KIF27: variants seen among roughly 807,000 people sequenced by gnomAD.
KIF27 encodes the protein kinesin-like protein KIF27.
A neutral mutation model predicts 141.8 loss-of-function variants in KIF27; 84 were observed. The ratio of observed to expected loss-of-function variants is 0.59; its 90% CI spans 0.50 to 0.71. KIF27 has a LOEUF of 0.71. KIF27 is among the 30% of genes least tolerant of loss of function. The pLI is 0.00. For synonymous variants in KIF27, 471 were observed against 569.5 expected (o/e 0.83, Z 2.46); for missense variants, 1,306 against 1,628.4 (o/e 0.80, Z 3.41).
intron 5 of KIF27, among the ~76,000 whole-genome samples, chr9:83,896,252 C>CA (rs1159857796): frequency 1.3e-4 from 20 of 151,470 alleles, no homozygotes; most frequent in Non-Finnish European, 1.9e-4. Context: ...TCAAAAACAA[C>CA]AAAAAAAAGA....
chr9:83,876,124 T>C (rs1951188745), intron 11 of KIF27, among the ~76,000 whole-genome samples: 1 of 152,130 alleles, frequency 6.6e-6, no homozygotes, highest in African/African-American at 2.4e-5. Context: ...ATTACCATTA[T>C]TATGAATATC....
intron 2 of KIF27, among the ~76,000 whole-genome samples, chr9:83,913,832 AAGTG>A (rs1255268939): frequency 2.0e-5 from 3 of 152,214 alleles, no homozygotes; most frequent in African/African-American, 4.8e-5. Flanking sequence ...AAAACCACAC[AAGTG>A]AGTAATATGC....
chr9:83,876,134 C>T (rs1951189267), intron 11 of KIF27, among the ~76,000 whole-genome samples: 1 of 151,930 alleles, frequency 6.6e-6, no homozygotes, highest in African/African-American at 2.4e-5. Context: ...TTATGAATAT[C>T]ATTATTATTA....
intron 13 of KIF27, among the ~76,000 whole-genome samples, chr9:83,860,477 C>T (rs1235385731): frequency 2.6e-5 from 4 of 152,216 alleles, no homozygotes; most frequent in Middle Eastern, 3.4e-3. Context: ...AGTTACATTA[C>T]AGTTTTTAGT....
At position 83,915,346 on chromosome 9, in the gene KIF27, G is replaced by A; in HGVS notation, c.246C>T (p.Ala82=). Residue 82 remains alanine (A), a synonymous_variant, in exon 2 of 18, where the codon GCC becomes GCT. Coordinates refer to ENST00000297814, the MANE Select transcript of KIF27 (RefSeq NM_017576.4). ...LIEGYNATVF[A]YGQTGSGKTY... ...TCTTCCCAGATCCAGTTTGTCCATA[G>A]GCAAAAACAGTTGCATTATAGCCCT... 1 of 1,613,722 alleles carries A rather than the reference G, an allele frequency of 6.2e-7. No individual in the cohort carries two copies. Among genetic ancestry groups the A allele is most frequent in the Non-Finnish European group, 8.5e-7 (1 of 1,179,746 alleles).
rs1297844285 is a variant in KIF27, at chr9:83,836,607, TTG to T, written c.*392_*393del. On this transcript the variant is annotated 3_prime_UTR_variant, in exon 18 of 18. Transcript: ENST00000297814. The stretch of plus-strand genomic sequence containing the variant: ...TGGATCTTTTAAAAAAAAAATATAC[TTG>T]TATTTGAGAATAACAATAATATAGT... 1 of 156,676 alleles carries T rather than the reference TTG, an allele frequency of 6.4e-6. No individual in the cohort carries two copies. Among genetic ancestry groups the T allele is most frequent in the Non-Finnish European group, 1.4e-5 (1 of 71,254 alleles). The allele number at this position is 156,676 out of a possible 1,614,324, so 9.7% of individuals were successfully genotyped here. A position where few individuals can be genotyped will look rare whatever the true frequency, so the allele number is the denominator to read the frequency against.
At chr9:83,917,820 C>T (rs909120833) in intron 1 of KIF27, among the ~76,000 whole-genome samples, 1 of 152,120 alleles carries the variant, frequency 6.6e-6, no homozygotes, top group Admixed American at 6.5e-5. Flanking sequence ...TAGACCTAAA[C>T]ATAAGAAGTA....
intron 1 of KIF27, among the ~76,000 whole-genome samples, chr9:83,920,856 TCTACGGTGGGAAATGCGCCCAAGTTTC>T (rs1170895093): frequency 9.8e-6 from 1 of 102,530 alleles, no homozygotes; most frequent in Non-Finnish European, 2.2e-5. Flanking sequence ...AGTTTCAACC[TCTACGGTGGGAAATGCGCCCAAGTTTC>T]AACCTCTACG....
rs1951867633 is a variant in KIF27, at chr9:83,883,830, C to T, written c.2428G>A (p.Ala810Thr). 6 of 1,610,264 alleles carry T rather than the reference C, an allele frequency of 3.7e-6. No individual in the cohort carries two copies. The highest frequency in any genetic ancestry group is 1.1e-5 in the South Asian group (1 of 91,012). Residue 810 changes from alanine to threonine, a missense_variant, in exon 10 of 18, where the codon GCA becomes ACA. By Grantham distance (58) the Ala-to-Thr change is moderately conservative. This residue lies in a region of KIF27 where 596 missense variants were observed against 751.6 expected (regional missense o/e 0.79). Transcript: ENST00000297814. ...QKEFRKKMDA[A>T]KLRVQVLQKK... ...TAAATTACCTGAACTCTCAGCTTTG[C>T]AGCATCCATCTTTTTACGAAACTCT...
At chr9:83,851,479 A>G (rs975042760) in intron 15 of KIF27, among the ~76,000 whole-genome samples, 2 of 152,070 alleles carry the variant, frequency 1.3e-5, no homozygotes, top group African/African-American at 4.8e-5. Flanking sequence ...AGCCTCCCAC[A>G]TAGCTGGGAC....
At chr9:83,888,816 C>CAAA (rs35585822) in intron 7 of KIF27, among the ~76,000 whole-genome samples, 53 of 83,852 alleles carry the variant, frequency 6.3e-4, no homozygotes, top group Middle Eastern at 8.3e-3. Context: ...TAAGGAAATC[C>CAAA]AAAAAAAAAA....
chr9:83,912,929 G>A lies in KIF27; in HGVS notation c.298+2365C>T, dbSNP rs567081718. ...CCAGCACTTTGGGAGACTGAGGCAGGGCGGATCACTTGATCTCAGGTGTTC... is the reference window on the plus strand; with the variant it reads ...CCAGCACTTTGGGAGACTGAGGCAGAGCGGATCACTTGATCTCAGGTGTTC... On this transcript the variant is annotated intron_variant, in intron 2 of 17. Transcript: ENST00000297814. Among the ~76,000 whole-genome samples the A allele has an allele frequency of 5.3e-5, 8 of 152,032 alleles. No homozygotes were observed. In the East Asian group the frequency reaches 1.5e-3, roughly 29 times the overall value.
chr9:83,914,349 T>C (rs1373671808), intron 2 of KIF27, among the ~76,000 whole-genome samples: 1 of 152,134 alleles, frequency 6.6e-6, no homozygotes, highest in Non-Finnish European at 1.5e-5. Context: ...ATTGTTTTCT[T>C]TTAGTTGGAG....
chr9:83,888,626 T>C lies in KIF27; in HGVS notation c.1980-34A>G, dbSNP rs565107279. ...AAAATCAGAAAGTTAACTTATTTGT[T>C]CGTGTTTTCTAATCTGCCCTCAAAT... On this transcript the variant is annotated intron_variant, in intron 7 of 17. Coordinates refer to ENST00000297814, the MANE Select transcript of KIF27 (RefSeq NM_017576.4). 1.2e-5 allele frequency: 16 copies of C among 1,305,502 alleles called. No individual in the cohort carries two copies. The South Asian group carries it at 2.0e-4, about 16-fold the overall frequency. 80.9% of individuals were successfully genotyped at this position (1,305,502 alleles called of 1,614,324 possible). A position where few individuals can be genotyped will look rare whatever the true frequency, so the allele number is the denominator to read the frequency against.
Position 83,887,104 on chromosome 9 carries a change from T to C in KIF27, c.2176A>G (p.Met726Val). ...TTGATGTTAATTGTAAGTTCTCTCA[T>C]TTTTTGTTTAGCTTCAGTAAGTATG... ...ERILTEAKQK[M>V]RELTINIKMK... Residue 726 changes from methionine to valine, a missense_variant, in exon 9 of 18, where the codon ATG becomes GTG. Met to Val is a conservative substitution (Grantham distance 21). This residue lies in a region of KIF27 where 596 missense variants were observed against 751.6 expected (regional missense o/e 0.79). Transcript: ENST00000297814. The C allele has an allele frequency of 6.2e-7, 1 of 1,604,950 alleles. No homozygotes were observed. Among genetic ancestry groups the C allele is most frequent in the Non-Finnish European group, 8.5e-7 (1 of 1,177,150 alleles).
chr9:83,880,993 C>T (rs1377025994), intron 10 of KIF27, among the ~76,000 whole-genome samples: 2 of 151,954 alleles, frequency 1.3e-5, no homozygotes, highest in Admixed American at 6.6e-5. Context: ...TCCTACTTAT[C>T]TCAGAGGTCT....
chr9:83,880,235 C>A, intron 11 of KIF27, 62 bp downstream of exon 11: 2 of 1,605,776 alleles, frequency 1.2e-6, no homozygotes, highest in African/African-American at 1.3e-5. Context: ...ACCATGGATT[C>A]GTTAGCTCTG....
intron 11 of KIF27, among the ~76,000 whole-genome samples, chr9:83,872,566 A>G (rs1242401226): frequency 6.6e-6 from 1 of 152,200 alleles, no homozygotes; most frequent in East Asian, 1.9e-4. Context: ...ATGGACTTTT[A>G]TTTGTATATT....
At chr9:83,910,576 CGT>C (rs1955047707) in intron 2 of KIF27, among the ~76,000 whole-genome samples, 1 of 152,154 alleles carries the variant, frequency 6.6e-6, no homozygotes, top group Non-Finnish European at 1.5e-5. Flanking sequence ...AAGACAGGGA[CGT>C]AAGCCAGAGT....
Sources: gnomAD v4.1 joint callset for allele counts (sites outside exome capture counted in the v4.1 genomes callset) on GRCh38, gnomAD v4.1.1 for gene constraint, gnomAD v4.1.1 regional missense constraint, MANE v1.5 for transcripts, NCBI Gene and HGNC (gene_info 2026-07-23, HGNC 2026-07-21) for gene names.